Variants in COL4A3 observed in about 807,000 individuals in gnomAD.
COL4A3 encodes the protein collagen alpha-3(IV) chain.
Under a neutral mutation model 217.4 loss-of-function variants are expected in COL4A3, and 135 were observed. The observed-to-expected ratio is 0.62, with a 90% CI of 0.54 to 0.72. The LOEUF (loss-of-function observed/expected upper bound fraction) is 0.72, where lower values mean the gene tolerates loss of function less well. Among genes scored for constraint, COL4A3 ranks in the 30% least tolerant of loss-of-function variants. The pLI, the probability that COL4A3 is intolerant of heterozygous loss-of-function variation, is 0.00. For synonymous variants in COL4A3, 690 were observed against 736.3 expected, an observed-to-expected ratio of 0.94 and a Z score of 1.02; for missense variants, 1,868 against 2,119.9, an observed-to-expected ratio of 0.88 and a Z score of 2.33.
At chr2:227,294,941 TG>T (rs760538295) in intron 39 of COL4A3, 22 bp from the exon 40 acceptor site, 70 of 1,486,894 alleles carry the variant, frequency 4.7e-5, no homozygotes, top group Non-Finnish European at 5.4e-5. Flanking sequence ...TTGGGGTTTT[TG>T]GGTTTTTTTT....
chr2:227,233,386 A>G (rs2068515951), intron 1 of COL4A3, among the ~76,000 whole-genome samples: 1 of 152,156 alleles, frequency 6.6e-6, no homozygotes. Context: ...TGTGGGTGTG[A>G]TTTAGCAGGA....
Position 227,313,476 on chromosome 2 carries a change from T to C in COL4A3, c.*1606T>C, listed in dbSNP as rs1449574319. Reference sequence around the variant, plus strand: ...CTTGATGATAACACTATTTGATGAGTCTTAGAGTCCAGACACAAAGAGACA... The same window carrying C: ...CTTGATGATAACACTATTTGATGAGCCTTAGAGTCCAGACACAAAGAGACA... On this transcript the variant is annotated 3_prime_UTR_variant, in exon 52 of 52. Coordinates refer to ENST00000396578, the MANE Select transcript of COL4A3 (RefSeq NM_000091.5). 1 of 152,566 alleles carries C rather than the reference T, an allele frequency of 6.6e-6. No individual in the cohort carries two copies. Among genetic ancestry groups the C allele is most frequent in the African/African-American group, 2.4e-5 (1 of 41,420 alleles). 9.5% of individuals were successfully genotyped at this position (152,566 alleles called of 1,614,324 possible).
chr2:227,262,803 G>A (rs2070671647), intron 20 of COL4A3, among the ~76,000 whole-genome samples: 2 of 152,110 alleles, frequency 1.3e-5, no homozygotes, highest in African/African-American at 4.8e-5. Context: ...GGAGTTAGGG[G>A]TGAAGAGAGA....
intron 1 of COL4A3, among the ~76,000 whole-genome samples, chr2:227,178,637 A>G (rs896720374): frequency 2.0e-5 from 3 of 152,002 alleles, no homozygotes; most frequent in African/African-American, 2.4e-5. Flanking sequence ...GGTTCAAGCA[A>G]TTCTCATGCC....
chr2:227,212,151 T>TG (rs2067348561), intron 1 of COL4A3, among the ~76,000 whole-genome samples: 1 of 139,764 alleles, frequency 7.2e-6, no homozygotes, highest in Non-Finnish European at 1.5e-5. Flanking sequence ...GTATCTTTTC[T>TG]GTTTTTTTTG....
rs1229295517 is a variant in COL4A3 at position 227,312,603 on chromosome 2, A to C, written c.*733A>C. On this transcript the variant is annotated 3_prime_UTR_variant, in exon 52 of 52. Coordinates refer to ENST00000396578, the MANE Select transcript of COL4A3 (RefSeq NM_000091.5). Reference sequence around the variant, plus strand: ...TCTAAAATCTGCTTGTATTCCAAGCATATAAAATTTTCCCCCTTAGTGAAT... The same window carrying C: ...TCTAAAATCTGCTTGTATTCCAAGCCTATAAAATTTTCCCCCTTAGTGAAT... 1 of 152,590 alleles carries C rather than the reference A, an allele frequency of 6.6e-6. No individual in the cohort carries two copies. The highest frequency in any genetic ancestry group is 1.5e-5 in the Non-Finnish European group (1 of 68,050). 9.5% of individuals were successfully genotyped at this position (152,590 alleles called of 1,614,324 possible). A position where few individuals can be genotyped will look rare whatever the true frequency, so the allele number is the denominator to read the frequency against.
At position 227,236,020 on chromosome 2, in the gene COL4A3, C is replaced by CCG. The variant is rs202079737; in HGVS notation, c.88-1947_88-1946insGC. 3.8e-3 allele frequency among the ~76,000 whole-genome samples: 572 copies of CCG among 152,110 alleles called. 1 individual carries two copies. Among genetic ancestry groups the CCG allele is most frequent in the African/African-American group, 0.013 (554 of 41,506 alleles). ...AACTCCTGACCTCAGGTGATCCGCC[C>CCG]CCCTGGGCCTCGCAAAGTGCTGGGA... On this transcript the variant is annotated intron_variant, in intron 1 of 51. Transcript: ENST00000396578.
chr2:227,262,602 C>T (rs1455740004), intron 20 of COL4A3, among the ~76,000 whole-genome samples: 2 of 152,132 alleles, frequency 1.3e-5, no homozygotes, highest in Non-Finnish European at 2.9e-5. Context: ...GGATCTTTCA[C>T]CTTGTTGGTT....
At chr2:227,205,453 T>C (rs1029090851) in intron 1 of COL4A3, among the ~76,000 whole-genome samples, 1 of 152,162 alleles carries the variant, frequency 6.6e-6, no homozygotes, top group African/African-American at 2.4e-5. Context: ...TTTCAATGCA[T>C]TGAGACATAC....
intron 1 of COL4A3, chr2:227,221,199 G>T (rs1384752239): frequency 2.6e-5 from 4 of 152,168 alleles, no homozygotes; most frequent in African/African-American, 9.7e-5. Flanking sequence ...CTCTGTCACT[G>T]GTTCCCCTGT....
At chr2:227,246,189 GCTTT>G in intron 6 of COL4A3, 173 bp downstream of exon 6, 1 of 667,270 alleles carries the variant, frequency 1.5e-6, no homozygotes. Flanking sequence ...CGCATTCCTT[GCTTT>G]CTAATTGTCT....
intron 37 of COL4A3, among the ~76,000 whole-genome samples, chr2:227,292,383 G>A (rs912085351): frequency 1.3e-5 from 2 of 152,106 alleles, no homozygotes; most frequent in Non-Finnish European, 2.9e-5. Context: ...TTTGCTCAAC[G>A]AAAAATCCTA....
chr2:227,234,517 T>C (rs952009961), intron 1 of COL4A3, among the ~76,000 whole-genome samples: 20 of 152,200 alleles, frequency 1.3e-4, no homozygotes, highest in East Asian at 1.9e-4. Context: ...AGCCTTCAAA[T>C]TGGATGCAAA....
chr2:227,252,979 C>T (rs193276992), intron 11 of COL4A3, among the ~76,000 whole-genome samples: 52 of 152,176 alleles, frequency 3.4e-4, no homozygotes, highest in Non-Finnish European at 5.3e-4. Context: ...GTTAAGTAGC[C>T]GGCCAGTGGG....
At chr2:227,212,210 A>T (rs575096798) in intron 1 of COL4A3, among the ~76,000 whole-genome samples, 1 of 149,920 alleles carries the variant, frequency 6.7e-6, no homozygotes, top group South Asian at 2.1e-4. Context: ...ATTCTTTGTT[A>T]TAGATATTGC....
At position 227,247,532 on chromosome 2, in the gene COL4A3, T is replaced by C. The variant is rs777342301; in HGVS notation, c.442-26T>C. On this transcript the variant is annotated intron_variant, in intron 7 of 51. Coordinates refer to ENST00000396578, the MANE Select transcript of COL4A3 (RefSeq NM_000091.5). The stretch of plus-strand genomic sequence containing the variant: ...GTGTGTGCGTTTGATATTCCTCTAG[T>C]TGTTCATAGGTTGCTTTTTTCCTAG... The C allele has an allele frequency of 3.7e-6, 6 of 1,613,128 alleles. No individual in the cohort carries two copies. The African/African-American group carries it at 6.7e-5, about 18-fold the overall frequency.
chr2:227,299,445 C>G (rs1276535007), intron 43 of COL4A3, among the ~76,000 whole-genome samples: 1 of 152,144 alleles, frequency 6.6e-6, no homozygotes, highest in East Asian at 1.9e-4. Flanking sequence ...CACTCACTAC[C>G]ATGAGAATGG....
chr2:227,226,437 T>C (rs2068094720), intron 1 of COL4A3, among the ~76,000 whole-genome samples: 1 of 151,596 alleles, frequency 6.6e-6, no homozygotes, highest in South Asian at 2.1e-4. Context: ...AACTCACAGC[T>C]GATCTCTTCT....
chr2:227,248,293 T>C (rs1338930940), intron 8 of COL4A3, 150 bp from the exon 9 acceptor site: 2 of 704,926 alleles, frequency 2.8e-6, no homozygotes, highest in Admixed American at 3.9e-5. Context: ...TTCTTCATAA[T>C]GGAATAATTA....
Sources: gnomAD v4.1 joint callset for allele counts (sites outside exome capture counted in the v4.1 genomes callset) on GRCh38, gnomAD v4.1.1 for gene constraint, MANE v1.5 for transcripts, NCBI Gene and HGNC (gene_info 2026-07-23, HGNC 2026-07-21) for gene names.